SHISA9: variants seen among roughly 807,000 people sequenced by gnomAD.
The protein encoded by SHISA9 is protein shisa-9.
In SHISA9, 13 loss-of-function variants were observed where a neutral mutation model predicts 38.0. The observed-to-expected ratio is 0.34, with a 90% CI of 0.22 to 0.54. The LOEUF is 0.54. SHISA9 is among the 20% of genes least tolerant of loss of function. SHISA9 has a pLI of 0.91. For synonymous variants in SHISA9, 275 were observed against 242.0 expected, an observed-to-expected ratio of 1.14 and a Z score of -1.27; for missense variants, 538 against 575.8, an observed-to-expected ratio of 0.93 and a Z score of 0.67.
intron 4 of SHISA9, 31 bp from the exon 5 acceptor site, chr16:13,234,999 C>T (rs2051367554): frequency 6.6e-7 from 1 of 1,504,658 alleles, no homozygotes; most frequent in Admixed American, 2.1e-5. Flanking sequence ...CTCTTTCTTC[C>T]CCTTCTTCAT....
chr16:13,368,033 T>C, the SHISA9 span, among the ~76,000 whole-genome samples: 3 of 152,298 alleles, frequency 2.0e-5, no homozygotes, highest in Non-Finnish European at 4.4e-5. Flanking sequence ...ATTAGGTATA[T>C]CTCCCTCTAA....
intron 2 of SHISA9, among the ~76,000 whole-genome samples, chr16:13,062,298 C>T (rs1439889501): frequency 2.0e-5 from 3 of 152,120 alleles, no homozygotes; most frequent in Non-Finnish European, 4.4e-5. Flanking sequence ...TGACTCCGTG[C>T]ACACTGGGAA....
the SHISA9 span, among the ~76,000 whole-genome samples, chr16:13,555,447 A>C: frequency 6.6e-6 from 1 of 152,248 alleles, no homozygotes; most frequent in Non-Finnish European, 1.5e-5. Flanking sequence ...AACATTTGGT[A>C]GTTCCTTTAT....
chr16:13,179,401 CCTTAT>C (rs1183864863), intron 2 of SHISA9, among the ~76,000 whole-genome samples: 2 of 152,126 alleles, frequency 1.3e-5, no homozygotes, highest in Non-Finnish European at 2.9e-5. Context: ...TCTCTACATG[CCTTAT>C]CTTATTTTGT....
chr16:13,522,317 C>T, the SHISA9 span, among the ~76,000 whole-genome samples: 1 of 152,196 alleles, frequency 6.6e-6, no homozygotes, highest in Non-Finnish European at 1.5e-5. Flanking sequence ...AGACCTTTGG[C>T]ATATTTCTGA....
At chr16:13,234,167 T>A (rs1460534322) in intron 4 of SHISA9, among the ~76,000 whole-genome samples, 3 of 152,206 alleles carry the variant, frequency 2.0e-5, no homozygotes, top group Non-Finnish European at 2.9e-5. Flanking sequence ...ATAGGGGAAT[T>A]AATTAATTTT....
At position 12,902,850 on chromosome 16, in the gene SHISA9, G is replaced by C. The variant is rs950820790; in HGVS notation, c.563+223G>C. The C allele has an allele frequency of 3.7e-5, 11 of 295,268 alleles. No individual in the cohort carries two copies. In the Admixed American group the frequency reaches 6.0e-4, roughly 16 times the overall value. The allele number at this position is 295,268 out of a possible 1,614,324, so 18.3% of individuals were successfully genotyped here. On this transcript the variant is annotated intron_variant, in intron 1 of 4. Transcript: ENST00000558583. Reference sequence around the variant, plus strand: ...TGAGCGTGTTCGTGTGTGTGTGAGCGTGTGTGTGTGTGTGTGTGACTCTGC... The same window carrying C: ...TGAGCGTGTTCGTGTGTGTGTGAGCCTGTGTGTGTGTGTGTGTGACTCTGC...
intron 2 of SHISA9, among the ~76,000 whole-genome samples, chr16:13,009,298 T>G (rs920719042): frequency 6.6e-6 from 1 of 151,710 alleles, no homozygotes; most frequent in Non-Finnish European, 1.5e-5. Flanking sequence ...CTTGTAGAGG[T>G]GGTGAGACTT....
intron 3 of SHISA9, among the ~76,000 whole-genome samples, chr16:13,204,597 C>T (rs1015391542): frequency 2.0e-5 from 3 of 152,206 alleles, no homozygotes; most frequent in Admixed American, 6.5e-5. Context: ...AAACAATGCA[C>T]GTTCCTATCC....
chr16:13,434,602 T>C, the SHISA9 span, among the ~76,000 whole-genome samples: 2 of 151,904 alleles, frequency 1.3e-5, no homozygotes, highest in Admixed American at 6.6e-5. Context: ...GTATTTTTAG[T>C]AGAGATGGGG....
chr16:13,018,196 G>A (rs2072780406), intron 2 of SHISA9, among the ~76,000 whole-genome samples: 1 of 152,182 alleles, frequency 6.6e-6, no homozygotes, highest in South Asian at 2.1e-4. Flanking sequence ...CATCAGCACA[G>A]CTTCACAGTG....
At chr16:13,472,377 A>AGTTTTTTTTTTTTTTTTTTTTTTTTTT in the SHISA9 span, among the ~76,000 whole-genome samples, 1 of 55,416 alleles carries the variant, frequency 1.8e-5, no homozygotes. Context: ...GCTCTGCTAA[A>AGTTTTTTTTTTTTTTTTTTTTTTTTTT]TTTTTTTTTT....
At chr16:13,333,594 C>T in the SHISA9 span, among the ~76,000 whole-genome samples, 12,043 of 152,146 alleles carry the variant, frequency 0.079, 554 homozygotes, top group African/African-American at 0.11. Flanking sequence ...ATCATGTTTT[C>T]GAAGGGATAA....
At chr16:13,188,151 C>T (rs925206558) in intron 2 of SHISA9, among the ~76,000 whole-genome samples, 2 of 152,084 alleles carry the variant, frequency 1.3e-5, no homozygotes, top group African/African-American at 4.8e-5. Context: ...AAACACTTAC[C>T]CACTGCACAC....
At chr16:13,410,491 G>A in the SHISA9 span, among the ~76,000 whole-genome samples, 1 of 152,090 alleles carries the variant, frequency 6.6e-6, no homozygotes, top group Non-Finnish European at 1.5e-5. Context: ...GCCACCTTTG[G>A]AAACAAAGAT....
At chr16:13,365,925 A>AATGG in the SHISA9 span, among the ~76,000 whole-genome samples, 1 of 152,200 alleles carries the variant, frequency 6.6e-6, no homozygotes, top group Admixed American at 6.5e-5. Flanking sequence ...TAAGGACAAG[A>AATGG]ATGGAATGAT....
At chr16:13,274,767 T>C in the SHISA9 span, among the ~76,000 whole-genome samples, 93 of 152,266 alleles carry the variant, frequency 6.1e-4, no homozygotes, top group African/African-American at 2.1e-3. Flanking sequence ...AAAAGCCACT[T>C]AGCAATGATA....
downstream of SHISA9, among the ~76,000 whole-genome samples, chr16:13,242,416 A>C (rs1437619893): frequency 6.6e-6 from 1 of 152,180 alleles, no homozygotes; most frequent in Non-Finnish European, 1.5e-5. Flanking sequence ...TATGATGAGA[A>C]GCCTTGCACA....
the SHISA9 span, among the ~76,000 whole-genome samples, chr16:13,394,115 C>A: frequency 6.6e-6 from 1 of 152,180 alleles, no homozygotes; most frequent in Non-Finnish European, 1.5e-5. Flanking sequence ...AGAAGCATTA[C>A]GCATTTCCAC....
Sources: gnomAD v4.1 joint callset for allele counts (sites outside exome capture counted in the v4.1 genomes callset) on GRCh38, gnomAD v4.1.1 for gene constraint, MANE v1.5 for transcripts, NCBI Gene and HGNC (gene_info 2026-07-23, HGNC 2026-07-21) for gene names.